TSHZ3: variants seen among roughly 807,000 people sequenced by gnomAD.
The protein encoded by TSHZ3 is teashirt zinc finger homeobox 3.
Under a neutral mutation model 64.5 loss-of-function variants are expected in TSHZ3, and 10 were observed. The ratio of observed to expected loss-of-function variants is 0.16; its 90% CI spans 0.10 to 0.26. TSHZ3 has a LOEUF of 0.26. Among genes scored for constraint, TSHZ3 ranks in the 10% least tolerant of loss-of-function variants. The pLI is 1.00. For synonymous variants in TSHZ3, 608 were observed against 593.1 expected (o/e 1.03, Z -0.36); for missense variants, 1,242 against 1,421.7 (o/e 0.87, Z 2.03).
At chr19:31,182,741 T>C (rs1974736699) in intron 5 of TSHZ3, among the ~76,000 whole-genome samples, 1 of 152,140 alleles carries the variant, frequency 6.6e-6, no homozygotes, top group African/African-American at 2.4e-5. Context: ...TAAAAGAAGA[T>C]AAGTTTCTTA....
At chr19:31,332,292 G>A (rs947252102) in intron 1 of TSHZ3, among the ~76,000 whole-genome samples, 17 of 152,160 alleles carry the variant, frequency 1.1e-4, no homozygotes, top group Non-Finnish European at 1.6e-4. Context: ...GCTCTGCCAC[G>A]ATTCCAGTAA....
chr19:31,333,354 C>T (rs1476687687), intron 1 of TSHZ3, among the ~76,000 whole-genome samples: 1 of 152,006 alleles, frequency 6.6e-6, no homozygotes, highest in Non-Finnish European at 1.5e-5. Context: ...GCTCCATTCC[C>T]CCTGCAGAAA....
In TSHZ3 at chr19:31,259,022, C is replaced by T. The variant is rs148082416; in HGVS notation, n.64-16147G>A. Among the ~76,000 whole-genome samples, 191 of 152,294 alleles carry T rather than the reference C, an allele frequency of 1.3e-3. 1 individual carries two copies. The highest frequency in any genetic ancestry group is 4.4e-3 in the African/African-American group (183 of 41,564). Reference sequence around the variant, plus strand: ...ACACATAGTTGGTGGTGTAAAGTCACGGCAGTATTCAAAAGGTTAAAGCAG... The same window carrying T: ...ACACATAGTTGGTGGTGTAAAGTCATGGCAGTATTCAAAAGGTTAAAGCAG... On this transcript the variant is annotated intron_variant and non_coding_transcript_variant, in intron 1 of 6. Coordinates refer to the TSHZ3 transcript ENST00000651361.
chr19:31,177,957 T>A (rs1409189259), intron 5 of TSHZ3, among the ~76,000 whole-genome samples: 1 of 152,194 alleles, frequency 6.6e-6, no homozygotes, highest in Non-Finnish European at 1.5e-5. Flanking sequence ...TCCCCTCATC[T>A]ACTTTTGTAA....
rs118050965 is a variant in TSHZ3, at chr19:31,235,415, G to T, written n.550+6854C>A. Reference sequence around the variant, plus strand: ...GTTCCTACGAGTTCAACTGTTTTAGGTTCCACATATAAGTGAGATCATGCA... The same window carrying T: ...GTTCCTACGAGTTCAACTGTTTTAGTTTCCACATATAAGTGAGATCATGCA... On this transcript the variant is annotated intron_variant and non_coding_transcript_variant, in intron 3 of 6. Coordinates refer to the TSHZ3 transcript ENST00000651361. 4.7e-4 allele frequency among the ~76,000 whole-genome samples: 72 copies of T among 151,956 alleles called. 1 individual carries two copies. The East Asian group carries it at 0.013, about 28-fold the overall frequency.
intron 5 of TSHZ3, among the ~76,000 whole-genome samples, chr19:31,183,228 TTC>T (rs71173953): frequency 3.7e-3 from 46 of 12,560 alleles, no homozygotes; most frequent in African/African-American, 0.011. Context: ...CTCTCTCTCT[TTC>T]TCTCTCTCTC....
At position 31,349,387 on chromosome 19, in the gene TSHZ3, C is replaced by T; in HGVS notation, c.-168G>A. ...CTGCTGCGCCCAGGCTCTCCGCGTC[C>T]CCCCCGCGCCGCGCTCCGCCGCGAA... On this transcript the variant is annotated 5_prime_UTR_variant, in exon 1 of 2. Coordinates refer to ENST00000240587, the MANE Select transcript of TSHZ3 (RefSeq NM_020856.4). 1 of 491,282 alleles carries T rather than the reference C, an allele frequency of 2.0e-6. No individual in the cohort carries two copies. The highest frequency in any genetic ancestry group is 3.2e-6 in the Non-Finnish European group (1 of 309,132). 30.4% of individuals were successfully genotyped at this position (491,282 alleles called of 1,614,324 possible). A position where few individuals can be genotyped will look rare whatever the true frequency, so the allele number is the denominator to read the frequency against.
At chr19:31,299,929 C>T (rs1001753570) in intron 1 of TSHZ3, among the ~76,000 whole-genome samples, 4 of 152,188 alleles carry the variant, frequency 2.6e-5, no homozygotes, top group South Asian at 2.1e-4. Flanking sequence ...TTCCTTTACA[C>T]GCACCCTCAC....
At chr19:31,311,858 G>A (rs1916467493) in intron 1 of TSHZ3, among the ~76,000 whole-genome samples, 3 of 152,124 alleles carry the variant, frequency 2.0e-5, no homozygotes, top group Non-Finnish European at 4.4e-5. Context: ...TGAGTAGCTG[G>A]GACTGCAGGT....
Position 31,349,381 on chromosome 19 carries a change from C to T in TSHZ3, c.-162G>A. ...AGGATGCTGCTGCGCCCAGGCTCTC[C>T]GCGTCCCCCCCGCGCCGCGCTCCGC... On this transcript the variant is annotated 5_prime_UTR_variant, in exon 1 of 2. Coordinates refer to ENST00000240587, the MANE Select transcript of TSHZ3 (RefSeq NM_020856.4). The T allele has an allele frequency of 3.9e-6, 2 of 518,930 alleles. No individual in the cohort carries two copies. Among genetic ancestry groups the T allele is most frequent in the Non-Finnish European group, 3.0e-6 (1 of 330,944 alleles). The allele number at this position is 518,930 out of a possible 1,614,324, so 32.1% of individuals were successfully genotyped here.
At chr19:31,270,192 T>A, downstream of TSHZ3, among the ~76,000 whole-genome samples, 1 of 152,218 alleles carries the variant, frequency 6.6e-6, no homozygotes, top group East Asian at 1.9e-4. Context: ...TAGTAGCATG[T>A]GAGAATGTTG....
chr19:31,179,643 G>C (rs1446034828), intron 5 of TSHZ3, among the ~76,000 whole-genome samples: 1 of 152,006 alleles, frequency 6.6e-6, no homozygotes, highest in Non-Finnish European at 1.5e-5. Context: ...GGTGACAGTG[G>C]TGTTTGTGAT....
intron 5 of TSHZ3, among the ~76,000 whole-genome samples, chr19:31,203,631 C>T (rs576793046): frequency 6.6e-5 from 10 of 152,070 alleles, no homozygotes; most frequent in African/African-American, 2.2e-4. Flanking sequence ...CCACACAGAC[C>T]CAGTGAAGAA....
At chr19:31,166,053 A>T (rs1431729813) in intron 5 of TSHZ3, among the ~76,000 whole-genome samples, 2 of 152,196 alleles carry the variant, frequency 1.3e-5, no homozygotes, top group African/African-American at 4.8e-5. Flanking sequence ...TCTGTCCATT[A>T]AACGCTTTAT....
rs1160334453 is a variant in TSHZ3, at chr19:31,340,338, C to CAAAAAAAAAAAAAAAA, written c.40+8826_40+8841dup. On this transcript the variant is annotated intron_variant, in intron 1 of 1. Coordinates refer to ENST00000240587, the MANE Select transcript of TSHZ3 (RefSeq NM_020856.4). ...ATTAATTAGCAACAGGCCTACAGTACAAAAAAAAAAAAAAAAAAAAAAAAA... is the reference window on the plus strand; with the variant it reads ...ATTAATTAGCAACAGGCCTACAGTACAAAAAAAAAAAAAAAAAAAAAAAAAAAAAAAAAAAAAAAAA... Among the ~76,000 whole-genome samples the CAAAAAAAAAAAAAAAA allele has an allele frequency of 1.5e-3, 48 of 32,754 alleles. 12 individuals carry two copies. The highest frequency in any genetic ancestry group is 9.1e-3 in the South Asian group (4 of 438). 21.5% of individuals were successfully genotyped at this position (32,754 alleles called of 152,430 possible).
At chr19:31,285,703 G>C (rs1599625729) in intron 1 of TSHZ3, among the ~76,000 whole-genome samples, 1 of 132,894 alleles carries the variant, frequency 7.5e-6, no homozygotes, top group Middle Eastern at 5.3e-3. Flanking sequence ...AGAATTGCTT[G>C]AACCTGGGAG....
At chr19:31,263,903 C>T (rs1389754986) in intron 1 of TSHZ3, among the ~76,000 whole-genome samples, 2 of 152,116 alleles carry the variant, frequency 1.3e-5, no homozygotes, top group Non-Finnish European at 2.9e-5. Flanking sequence ...ATGAGTTGTA[C>T]GGGGTAGCAG....
intron 1 of TSHZ3, among the ~76,000 whole-genome samples, chr19:31,301,101 T>C (rs972332951): frequency 3.9e-5 from 6 of 152,114 alleles, no homozygotes; most frequent in East Asian, 1.9e-4. Context: ...AAATCGTTTT[T>C]TCCCCCCTCG....
At chr19:31,266,454 C>G (rs1179254966) in intron 1 of TSHZ3, among the ~76,000 whole-genome samples, 1 of 152,096 alleles carries the variant, frequency 6.6e-6, no homozygotes, top group Non-Finnish European at 1.5e-5. Flanking sequence ...GGGCGCCACT[C>G]CCTGAGGAAT....
Sources: allele counts gnomAD v4.1 joint callset (sites outside exome capture counted in the v4.1 genomes callset), GRCh38; gene constraint gnomAD v4.1.1; transcripts MANE v1.5; gene names NCBI Gene and HGNC (gene_info 2026-07-23, HGNC 2026-07-21).